Variants in SAMD12 observed in about 807,000 individuals in gnomAD.
The protein encoded by SAMD12 is sterile alpha motif domain-containing protein 12.
In SAMD12, 9 loss-of-function variants were observed where a neutral mutation model predicts 15.0. That is an observed-to-expected ratio of 0.60 (90% confidence interval 0.36 to 1.05). SAMD12 has a LOEUF of 1.05. Among genes scored for constraint, SAMD12 ranks in the 50% least tolerant of loss-of-function variants. The probability of loss-of-function intolerance (pLI) is 0.01; values close to 1 mark genes in which losing one functional copy is unlikely to be tolerated. For synonymous variants in SAMD12, 86 were observed against 90.1 expected, an observed-to-expected ratio of 0.96 and a Z score of 0.25; for missense variants, 230 against 234.2, an observed-to-expected ratio of 0.98 and a Z score of 0.12.
chr8:118,465,654 T>G (rs1823572938), intron 2 of SAMD12, among the ~76,000 whole-genome samples: 1 of 152,100 alleles, frequency 6.6e-6, no homozygotes, highest in Non-Finnish European at 1.5e-5. Context: ...TTACCAAACT[T>G]TAAAGGCAGT....
At chr8:118,252,517 G>T (rs933203618) in intron 4 of SAMD12, among the ~76,000 whole-genome samples, 1 of 152,132 alleles carries the variant, frequency 6.6e-6, no homozygotes, top group Non-Finnish European at 1.5e-5. Context: ...TCTTTGCTCC[G>T]CATCCAGTTC....
intron 4 of SAMD12, among the ~76,000 whole-genome samples, chr8:118,212,199 A>T (rs1304294671): frequency 1.3e-5 from 2 of 152,024 alleles, no homozygotes; most frequent in East Asian, 3.9e-4. Flanking sequence ...TGTAGGCAAG[A>T]TCATAGTGCA....
intron 4 of SAMD12, among the ~76,000 whole-genome samples, chr8:118,265,068 C>T (rs573736513): frequency 6.6e-5 from 10 of 152,220 alleles, no homozygotes; most frequent in East Asian, 1.9e-4. Context: ...GCACTATCAT[C>T]GCTACTAAGC....
At chr8:118,331,165 A>G (rs1816788060) in intron 4 of SAMD12, among the ~76,000 whole-genome samples, 1 of 152,188 alleles carries the variant, frequency 6.6e-6, no homozygotes, top group African/African-American at 2.4e-5. Context: ...GACAGTCACC[A>G]GAGTTCAGAG....
intron 2 of SAMD12, among the ~76,000 whole-genome samples, chr8:118,496,002 C>G (rs933588335): frequency 6.6e-6 from 1 of 152,010 alleles, no homozygotes; most frequent in Non-Finnish European, 1.5e-5. Context: ...ATATAGCTAA[C>G]CAGGAAGATC....
chr8:118,234,998 G>A (rs761018443), intron 4 of SAMD12, among the ~76,000 whole-genome samples: 6 of 151,916 alleles, frequency 3.9e-5, no homozygotes, highest in Non-Finnish European at 7.4e-5. Context: ...TTATGTTTAG[G>A]TAAGTATGTT....
chr8:118,207,037 T>C (rs1819880180), intron 4 of SAMD12, among the ~76,000 whole-genome samples: 1 of 152,208 alleles, frequency 6.6e-6, no homozygotes, highest in Non-Finnish European at 1.5e-5. Flanking sequence ...AGTTTTCAAG[T>C]ATGGGCAGAA....
chr8:118,357,536 G>A (rs1053534245), intron 4 of SAMD12, among the ~76,000 whole-genome samples: 14 of 152,120 alleles, frequency 9.2e-5, no homozygotes, highest in Admixed American at 5.9e-4. Flanking sequence ...TGGCCTAAAA[G>A]TGTAGATTTT....
intron 3 of SAMD12, among the ~76,000 whole-genome samples, chr8:118,422,573 G>C (rs1323814759): frequency 6.6e-6 from 1 of 152,098 alleles, no homozygotes; most frequent in African/African-American, 2.4e-5. Context: ...AAATGAAGCT[G>C]ACGAAAAACC....
chr8:118,491,837 T>C (rs2515022), intron 2 of SAMD12, among the ~76,000 whole-genome samples: 68,995 of 152,082 alleles, frequency 0.45, 16,095 homozygotes, highest in East Asian at 0.63. Flanking sequence ...AATTTGTTGA[T>C]CTATTCTCTT....
intron 4 of SAMD12, among the ~76,000 whole-genome samples, chr8:118,359,884 G>A (rs752206701): frequency 3.9e-5 from 6 of 152,184 alleles, no homozygotes; most frequent in East Asian, 1.9e-4. Context: ...GACCAATTCC[G>A]ATAAAAACTG....
intron 2 of SAMD12, among the ~76,000 whole-genome samples, chr8:118,555,579 T>C (rs1826506058): frequency 6.6e-6 from 1 of 152,172 alleles, no homozygotes; most frequent in African/African-American, 2.4e-5. Flanking sequence ...AAGAAGCCAA[T>C]GAATTCTATA....
Position 118,379,694 on chromosome 8 carries a change from G to T in SAMD12, c.329C>A (p.Ala110Asp). ...SFKQHDITGRALLRLTDKKLE... is the reference protein window; with the variant it reads ...SFKQHDITGRDLLRLTDKKLE... Reference sequence around the variant, plus strand: ...CTTTTTGTCAGTAAGTCTCAGCAGGGCTCGCCCTGCAGGGTTTTAAGAAAT... The same window carrying T: ...CTTTTTGTCAGTAAGTCTCAGCAGGTCTCGCCCTGCAGGGTTTTAAGAAAT... The change falls in exon 4 of 4, where the codon GCC becomes GAC. Residue 110 changes from alanine (A) to aspartate (D), a missense_variant. Physicochemically the swap from Ala to Asp is moderately radical, Grantham distance 126. Coordinates refer to ENST00000314727, the MANE Select transcript of SAMD12 (RefSeq NM_207506.3). The T allele has an allele frequency of 6.2e-7, 1 of 1,613,302 alleles. No homozygotes were observed. The highest frequency in any genetic ancestry group is 8.5e-7 in the Non-Finnish European group (1 of 1,179,452).
intron 2 of SAMD12, among the ~76,000 whole-genome samples, chr8:118,476,824 T>G (rs953759267): frequency 1.3e-5 from 2 of 152,206 alleles, no homozygotes; most frequent in African/African-American, 2.4e-5. Flanking sequence ...GTAACCTTAA[T>G]GCTCAGAAAA....
At chr8:118,468,391 AC>A (rs1234219710) in intron 2 of SAMD12, among the ~76,000 whole-genome samples, 2 of 152,076 alleles carry the variant, frequency 1.3e-5, no homozygotes, top group African/African-American at 4.8e-5. Flanking sequence ...CTCTCCAAAA[AC>A]GCCAGTGTCT....
chr8:118,420,993 G>C (rs559990769), intron 3 of SAMD12, among the ~76,000 whole-genome samples: 1 of 152,220 alleles, frequency 6.6e-6, no homozygotes, highest in South Asian at 2.1e-4. Context: ...AAGACCCTAC[G>C]ACCTACAAAG....
chr8:118,398,802 T>C (rs1820720523), intron 3 of SAMD12, among the ~76,000 whole-genome samples: 1 of 152,206 alleles, frequency 6.6e-6, no homozygotes, highest in East Asian at 1.9e-4. Context: ...GGTATATTCA[T>C]AGGTCAAAAC....
intron 4 of SAMD12, among the ~76,000 whole-genome samples, chr8:118,339,206 G>A (rs1163651236): frequency 6.6e-6 from 1 of 152,144 alleles, no homozygotes; most frequent in African/African-American, 2.4e-5. Context: ...GTGCATGCCT[G>A]TAGTCCCAGC....
intron 4 of SAMD12, among the ~76,000 whole-genome samples, chr8:118,274,954 T>C (rs767534021): frequency 3.3e-5 from 5 of 152,236 alleles, no homozygotes; most frequent in African/African-American, 7.2e-5. Flanking sequence ...AGTTATGCTC[T>C]ATCCCATGTT....
Sources: gnomAD v4.1 joint callset for allele counts (sites outside exome capture counted in the v4.1 genomes callset) on GRCh38, gnomAD v4.1.1 for gene constraint, MANE v1.5 for transcripts, NCBI Gene and HGNC (gene_info 2026-07-23, HGNC 2026-07-21) for gene names.